Variants in CACNA2D3 observed in about 807,000 individuals in gnomAD.
The protein encoded by CACNA2D3 is calcium voltage-gated channel auxiliary subunit alpha2delta 3.
A neutral mutation model predicts 160.6 loss-of-function variants in CACNA2D3; 60 were observed. The observed-to-expected ratio is 0.37, with a 90% CI of 0.30 to 0.46. The LOEUF (loss-of-function observed/expected upper bound fraction) is 0.46, where lower values mean the gene tolerates loss of function less well. Ranked by LOEUF, CACNA2D3 falls within the 20% of genes least tolerant of loss-of-function variation. The probability of loss-of-function intolerance (pLI) is 1.00; values close to 1 mark genes in which losing one functional copy is unlikely to be tolerated. For synonymous variants in CACNA2D3, 558 were observed against 492.9 expected (o/e 1.13, Z -1.75); for missense variants, 1,205 against 1,365.0 (o/e 0.88, Z 1.85).
chr3:54,358,524 G>A (rs988188008), intron 3 of CACNA2D3, among the ~76,000 whole-genome samples: 23 of 152,216 alleles, frequency 1.5e-4, no homozygotes, highest in African/African-American at 5.1e-4. Flanking sequence ...TAATGCCTGA[G>A]GATGCTTAAA....
rs141651049 is a variant in CACNA2D3 at position 54,884,540 on chromosome 3, G to A, written c.1913-741G>A. Among the ~76,000 whole-genome samples, 950 of 152,300 alleles carry A rather than the reference G, an allele frequency of 6.2e-3. 12 individuals are homozygous for A. Among genetic ancestry groups the A allele is most frequent in the African/African-American group, 0.021 (888 of 41,554 alleles). On this transcript the variant is annotated intron_variant, in intron 21 of 37. Transcript: ENST00000474759. ...GGCTATAAGCATCATGGGAGTTCCC[G>A]AGGTCATCATTCAGAAGTGTATGTC... is the stretch of plus-strand genomic sequence containing the variant.
chr3:54,170,419 C>T (rs997041299), intron 2 of CACNA2D3, among the ~76,000 whole-genome samples: 18 of 152,248 alleles, frequency 1.2e-4, no homozygotes, highest in African/African-American at 3.9e-4. Context: ...ATATAATTAA[C>T]AGTTAGTGTA....
intron 4 of CACNA2D3, among the ~76,000 whole-genome samples, chr3:54,415,566 T>C (rs990111072): frequency 1.3e-5 from 2 of 152,208 alleles, no homozygotes; most frequent in Non-Finnish European, 2.9e-5. Context: ...TATTTCTCCT[T>C]GTTGGTAATA....
chr3:54,132,716 C>T (rs531254320), intron 2 of CACNA2D3, among the ~76,000 whole-genome samples: 1 of 152,162 alleles, frequency 6.6e-6, no homozygotes, highest in Non-Finnish European at 1.5e-5. Context: ...TAAAAATCTA[C>T]TTTTAAGAGA....
At chr3:54,878,805 C>G (rs574323297) in intron 18 of CACNA2D3, 1 of 400,426 alleles carries the variant, frequency 2.5e-6, no homozygotes, top group Non-Finnish European at 4.4e-6. Context: ...GAAGTTTACA[C>G]GAGCTCCCCA....
chr3:54,342,189 C>T (rs1698367025), intron 3 of CACNA2D3, among the ~76,000 whole-genome samples: 1 of 152,194 alleles, frequency 6.6e-6, no homozygotes, highest in Non-Finnish European at 1.5e-5. Context: ...CTCACCTAAA[C>T]ATATATTAGA....
At chr3:54,994,704 A>G (rs1702818193) in intron 31 of CACNA2D3, among the ~76,000 whole-genome samples, 1 of 152,192 alleles carries the variant, frequency 6.6e-6, no homozygotes, top group South Asian at 2.1e-4. Flanking sequence ...TCACAATTCC[A>G]TGAAGTAACT....
chr3:54,516,413 C>G (rs1004149331), intron 5 of CACNA2D3, among the ~76,000 whole-genome samples: 1 of 152,102 alleles, frequency 6.6e-6, no homozygotes, highest in Non-Finnish European at 1.5e-5. Context: ...TTTTTCCACC[C>G]TCACTTCACG....
intron 17 of CACNA2D3, among the ~76,000 whole-genome samples, chr3:54,870,382 C>G (rs1699497987): frequency 6.6e-6 from 1 of 152,110 alleles, no homozygotes; most frequent in African/African-American, 2.4e-5. Flanking sequence ...TTAGAACCTT[C>G]CAGTTAAATC....
chr3:54,626,714 G>C (rs200502408), intron 9 of CACNA2D3: 2 of 694,584 alleles, frequency 2.9e-6, no homozygotes, highest in East Asian at 5.6e-5. Context: ...AAAAAAGAAA[G>C]AAAAAGAAAG....
At chr3:54,626,300 A>G (rs1699099563) in intron 9 of CACNA2D3, 1 of 1,534,760 alleles carries the variant, frequency 6.5e-7, no homozygotes, top group Non-Finnish European at 8.8e-7. Context: ...GACATGTCCT[A>G]CAAGCGGCTG....
At chr3:54,859,910 C>A (rs1399808924) in intron 17 of CACNA2D3, among the ~76,000 whole-genome samples, 1 of 151,470 alleles carries the variant, frequency 6.6e-6, no homozygotes, top group African/African-American at 2.4e-5. Flanking sequence ...CAATTCACCC[C>A]AGGCAGAGCT....
At chr3:55,053,146 C>A (rs1704268903) in intron 35 of CACNA2D3, among the ~76,000 whole-genome samples, 1 of 152,012 alleles carries the variant, frequency 6.6e-6, no homozygotes, top group South Asian at 2.1e-4. Flanking sequence ...TAATCCCTCC[C>A]ACTGGTTTCT....
In CACNA2D3 at chr3:54,399,876, A is replaced by G. The variant is rs578047277; in HGVS notation, c.381+13102A>G. 2.5e-3 allele frequency among the ~76,000 whole-genome samples: 313 copies of G among 125,366 alleles called. 81 individuals are homozygous for G. Among genetic ancestry groups the G allele is most frequent in the African/African-American group, 9.3e-3 (300 of 32,222 alleles). 82.2% of individuals were successfully genotyped at this position (125,366 alleles called of 152,430 possible). A position where few individuals can be genotyped will look rare whatever the true frequency, so the allele number is the denominator to read the frequency against. Reference sequence around the variant, plus strand: ...TCGAGCTTCCCAGCAAGCCTGGGCAATGGCGGGCGCCCCTCCCCCAGCCTC... The same window carrying G: ...TCGAGCTTCCCAGCAAGCCTGGGCAGTGGCGGGCGCCCCTCCCCCAGCCTC... On this transcript the variant is annotated intron_variant, in intron 4 of 37. Coordinates refer to ENST00000474759, the MANE Select transcript of CACNA2D3 (RefSeq NM_018398.3).
chr3:54,763,683 ATG>A lies in CACNA2D3; in HGVS notation c.1247-529_1247-528del, dbSNP rs1273386902. ...TGTGTGTGTGTGTATATATGTATAT[ATG>A]TGTGTATATATGTATATATGTATAT... is the stretch of plus-strand genomic sequence containing the variant. On this transcript the variant is annotated intron_variant, in intron 12 of 37. Coordinates refer to ENST00000474759, the MANE Select transcript of CACNA2D3 (RefSeq NM_018398.3). 1.1e-4 allele frequency among the ~76,000 whole-genome samples: 16 copies of A among 142,498 alleles called. No individual in the cohort carries two copies. In the South Asian group the frequency reaches 3.0e-3, roughly 27 times the overall value. 93.5% of individuals were successfully genotyped at this position (142,498 alleles called of 152,430 possible).
At chr3:54,629,252 G>A (rs499292) in intron 10 of CACNA2D3, among the ~76,000 whole-genome samples, 69,140 of 151,318 alleles carry the variant, frequency 0.46, 16,496 homozygotes, top group Non-Finnish European at 0.52. Context: ...TCATTTTGCA[G>A]GTGAGCAAGC....
intron 4 of CACNA2D3, among the ~76,000 whole-genome samples, chr3:54,482,096 G>GT (rs1700942765): frequency 6.6e-6 from 1 of 152,128 alleles, no homozygotes; most frequent in Non-Finnish European, 1.5e-5. Context: ...GCTATATTTG[G>GT]TAACTCTCTA....
intron 27 of CACNA2D3, among the ~76,000 whole-genome samples, chr3:54,959,667 T>A (rs1290148222): frequency 1.3e-5 from 2 of 152,132 alleles, no homozygotes; most frequent in Non-Finnish European, 2.9e-5. Context: ...GGACATTGAT[T>A]TGTGCAGCCC....
chr3:54,172,384 C>G (rs962228394), intron 2 of CACNA2D3, among the ~76,000 whole-genome samples: 2 of 152,188 alleles, frequency 1.3e-5, no homozygotes, highest in Non-Finnish European at 2.9e-5. Flanking sequence ...TGGGTTTCCC[C>G]CCTCTCTGGA....
Sources: gnomAD v4.1 joint callset for allele counts (sites outside exome capture counted in the v4.1 genomes callset) on GRCh38, gnomAD v4.1.1 for gene constraint, MANE v1.5 for transcripts, NCBI Gene and HGNC (gene_info 2026-07-23, HGNC 2026-07-21) for gene names.